The following KIF5A variants were observed in gnomAD, a reference collection of about 807,000 sequenced individuals.
KIF5A encodes the protein kinesin family member 5A.
Under a neutral mutation model 141.3 loss-of-function variants are expected in KIF5A, and 35 were observed. The ratio of observed to expected loss-of-function variants is 0.25; its 90% CI spans 0.19 to 0.33. The LOEUF (loss-of-function observed/expected upper bound fraction) is 0.33. KIF5A is among the 10% of genes least tolerant of loss of function. The probability of loss-of-function intolerance (pLI) is 1.00; values close to 1 mark genes in which losing one functional copy is unlikely to be tolerated. For synonymous variants in KIF5A, 448 were observed against 500.2 expected, an observed-to-expected ratio of 0.90 and a Z score of 1.39; for missense variants, 861 against 1,314.3, an observed-to-expected ratio of 0.66 and a Z score of 5.33.
chr12:57,572,077 G>A lies in KIF5A; in HGVS notation c.1379G>A (p.Arg460Gln), dbSNP rs573756569. Residue 460 changes from arginine to glutamine, a missense_variant, in exon 14 of 29, where the codon CGA becomes CAA. Transcript: ENST00000455537. This position sits in a 1 kb window ranked among gnomAD's most constrained non-coding sequence, Gnocchi z 4.2. The stretch of plus-strand genomic sequence containing the variant: ...CCCTTGAAGCTGCTGGTGTCCACCC[G>A]AGGAGACAACGAGAAGGTCCAGCGG... Reference protein sequence around the residue: ...LDQEELLVSTRGDNEKVQREL... With the variant: ...LDQEELLVSTQGDNEKVQREL... 36 of 1,613,484 alleles carry A rather than the reference G, an allele frequency of 2.2e-5. No homozygotes were observed. Among genetic ancestry groups the A allele is most frequent in the Non-Finnish European group, 2.6e-5 (31 of 1,180,020 alleles).
rs1882714712 is a variant in KIF5A at position 57,584,975 on chromosome 12, A to T, written c.*794A>T. On this transcript the variant is annotated 3_prime_UTR_variant, in exon 29 of 29. Transcript: ENST00000455537. ...CCCAGAGCTGATTTAAAATATTTTGAAAAATGGAGGAGGCAGACTGCTCCC... is the reference window on the plus strand; with the variant it reads ...CCCAGAGCTGATTTAAAATATTTTGTAAAATGGAGGAGGCAGACTGCTCCC... 1 of 152,158 alleles carries T rather than the reference A, an allele frequency of 6.6e-6. No individual in the cohort carries two copies. The highest frequency in any genetic ancestry group is 1.5e-5 in the Non-Finnish European group (1 of 68,044). 9.4% of individuals were successfully genotyped at this position (152,158 alleles called of 1,614,324 possible).
At chr12:57,577,319 G>C (rs1475923252) in intron 20 of KIF5A, among the ~76,000 whole-genome samples, 1 of 152,162 alleles carries the variant, frequency 6.6e-6, no homozygotes. Context: ...AATAGGCTGG[G>C]TGCGATGGCT....
intron 25 of KIF5A, 149 bp downstream of exon 25, chr12:57,581,717 C>T (rs895999937): frequency 1.6e-5 from 19 of 1,204,862 alleles, no homozygotes; most frequent in Non-Finnish European, 2.2e-5. Flanking sequence ...TAGGTGTCTG[C>T]CCTCCCAGCC....
intron 15 of KIF5A, among the ~76,000 whole-genome samples, chr12:57,573,788 A>G (rs764616539): frequency 5.7e-4 from 84 of 147,894 alleles, no homozygotes; most frequent in Non-Finnish European, 7.4e-5. Context: ...AGATTGCACC[A>G]TTGCACTCCA....
At chr12:57,556,205 C>T (rs1881737631) in intron 1 of KIF5A, among the ~76,000 whole-genome samples, 1 of 151,098 alleles carries the variant, frequency 6.6e-6, no homozygotes, top group Non-Finnish European at 1.5e-5. Context: ...GTGGCGCGAT[C>T]TCGGCTCACT....
Position 57,583,212 on chromosome 12 carries a change from T to C in KIF5A, c.*33T>C, listed in dbSNP as rs773010541. The C allele has an allele frequency of 3.2e-6, 5 of 1,571,434 alleles. No homozygotes were observed. Among genetic ancestry groups the C allele is most frequent in the Non-Finnish European group, 4.4e-6 (5 of 1,145,060 alleles). On this transcript the variant is annotated 3_prime_UTR_variant, in exon 28 of 29. Transcript: ENST00000455537. ...CACCCACGGCTGCATACCTGCACTT[T>C]CAGGTAGCGTCAGGCTGCTTCCTCG...
intron 1 of KIF5A, among the ~76,000 whole-genome samples, chr12:57,559,801 T>C (rs1180438090): frequency 6.6e-6 from 1 of 152,214 alleles, no homozygotes; most frequent in African/African-American, 2.4e-5. Flanking sequence ...AGTAATACAG[T>C]ATGTGCTCTT....
chr12:57,566,906 G>A lies in KIF5A; in HGVS notation c.502-220G>A, dbSNP rs202242328. Among the ~76,000 whole-genome samples, 116 of 151,970 alleles carry A rather than the reference G, an allele frequency of 7.6e-4. 2 individuals are homozygous for A. The East Asian group carries it at 0.019, about 24-fold the overall frequency. ...AATACAAAAATTAGCCGGGCGTGTT[G>A]GCTCATGCCTGTAATCCCAGCTACT... On this transcript the variant is annotated intron_variant, in intron 6 of 28. Coordinates refer to ENST00000455537, the MANE Select transcript of KIF5A (RefSeq NM_004984.4).
chr12:57,581,400 C>A lies in KIF5A; in HGVS notation c.2756-15C>A, dbSNP rs1306845197. ...GTCATAGCCTCCTCATGGTTGTTTT[C>A]TTTCTTTATTGCAGCCAAACCCGTC... On this transcript the variant is annotated splice_polypyrimidine_tract_variant and intron_variant, in intron 24 of 28. Transcript: ENST00000455537. 1 of 1,613,538 alleles carries A rather than the reference C, an allele frequency of 6.2e-7. No individual in the cohort carries two copies. The highest frequency in any genetic ancestry group is 8.5e-7 in the Non-Finnish European group (1 of 1,179,996).
chr12:57,583,075 T>C (rs1402010418), intron 27 of KIF5A, 26 bp from the exon 28 acceptor site: 4 of 1,589,430 alleles, frequency 2.5e-6, no homozygotes, highest in Non-Finnish European at 3.5e-6. Flanking sequence ...TCTATGGAGC[T>C]GATCATGGTG....
chr12:57,558,557 C>T (rs1298032575), intron 1 of KIF5A, among the ~76,000 whole-genome samples: 1 of 152,160 alleles, frequency 6.6e-6, no homozygotes, highest in Non-Finnish European at 1.5e-5. Context: ...GCCTATAATC[C>T]CAGCTACTCT....
chr12:57,558,128 T>A (rs1345974133), intron 1 of KIF5A, among the ~76,000 whole-genome samples: 2 of 152,172 alleles, frequency 1.3e-5, no homozygotes, highest in African/African-American at 4.8e-5. Flanking sequence ...AAAAACAGCC[T>A]GGGTGTGGTG....
At position 57,573,849 on chromosome 12, in the gene KIF5A, T is replaced by C. The variant is rs544930337; in HGVS notation, c.1716+1123T>C. Among the ~76,000 whole-genome samples, 201 of 145,256 alleles carry C rather than the reference T, an allele frequency of 1.4e-3. No homozygotes were observed. The Middle Eastern group carries it at 0.015, about 11-fold the overall frequency. On this transcript the variant is annotated intron_variant, in intron 15 of 28. Transcript: ENST00000455537. ...GTCTCAAAAAAAAAAAAAAAAAAAT[T>C]TGGGAGGCCGAGGCGAGGTCAGGAG...
chr12:57,552,883 G>A (rs898628015), intron 1 of KIF5A, among the ~76,000 whole-genome samples: 12 of 152,084 alleles, frequency 7.9e-5, no homozygotes, highest in African/African-American at 2.7e-4. Context: ...CCAGCGCTGA[G>A]CTTCAGAGTC....
rs1019750803 is a variant in KIF5A at position 57,584,258 on chromosome 12, A to G, written c.*77A>G. 2.6e-5 allele frequency: 4 copies of G among 152,382 alleles called. No individual in the cohort carries two copies. The highest frequency in any genetic ancestry group is 6.6e-5 in the Admixed American group (1 of 15,258). 9.4% of individuals were successfully genotyped at this position (152,382 alleles called of 1,614,324 possible). A position where few individuals can be genotyped will look rare whatever the true frequency, so the allele number is the denominator to read the frequency against. Reference sequence around the variant, plus strand: ...GAGGCCTCTTCTCAGCATGCTGCAAACCTGTGGTCTCTGATACTAACTCCC... The same window carrying G: ...GAGGCCTCTTCTCAGCATGCTGCAAGCCTGTGGTCTCTGATACTAACTCCC... On this transcript the variant is annotated 3_prime_UTR_variant, in exon 29 of 29. Transcript: ENST00000455537.
chr12:57,568,875 C>G, intron 8 of KIF5A, 88 bp from the exon 9 acceptor site: 1 of 838,378 alleles, frequency 1.2e-6, no homozygotes, highest in South Asian at 1.4e-5. Context: ...TCCTTCCTTC[C>G]TCCGTGGACT....
chr12:57,565,246 C>T (rs1882028039), intron 6 of KIF5A, among the ~76,000 whole-genome samples: 1 of 151,484 alleles, frequency 6.6e-6, no homozygotes, highest in African/African-American at 2.4e-5. Context: ...ATAGTGAAAC[C>T]CCGTTTCTAC....
At position 57,583,147 on chromosome 12, in the gene KIF5A, T is replaced by C. The variant is rs752920933; in HGVS notation, c.3067T>C (p.Phe1023Leu). ...GYEAEDQAKL[F>L]PLHQETAAS Reference sequence around the variant, plus strand: ...TGAGGCTGAGGACCAGGCCAAGCTTTTCCCTCTCCACCAAGAGACAGCAGC... The same window carrying C: ...TGAGGCTGAGGACCAGGCCAAGCTTCTCCCTCTCCACCAAGAGACAGCAGC... The change falls in exon 28 of 29, where the codon TTC becomes CTC. Residue 1023 changes from phenylalanine to leucine, a missense_variant. By Grantham distance (22) the Phe-to-Leu change is conservative. Transcript: ENST00000455537. 4 of 1,614,036 alleles carry C rather than the reference T, an allele frequency of 2.5e-6. No homozygotes were observed. Among genetic ancestry groups the C allele is most frequent in the South Asian group, 1.1e-5 (1 of 91,050 alleles).
intron 15 of KIF5A, among the ~76,000 whole-genome samples, chr12:57,573,703 C>T (rs1882328094): frequency 6.6e-6 from 1 of 151,890 alleles, no homozygotes; most frequent in Non-Finnish European, 1.5e-5. Flanking sequence ...GTGGCTCATG[C>T]CTGTAATCCC....
Sources: allele counts gnomAD v4.1 joint callset (sites outside exome capture counted in the v4.1 genomes callset), GRCh38; gene constraint gnomAD v4.1.1; non-coding constraint Gnocchi (gnomAD v3.1); transcripts MANE v1.5; gene names NCBI Gene and HGNC (gene_info 2026-07-23, HGNC 2026-07-21).